The following KIF3C variants were observed in gnomAD, a reference collection of about 807,000 sequenced individuals.
KIF3C encodes the protein kinesin-like protein KIF3C.
KIF3C carries 12 observed loss-of-function variants against 67.7 expected under a neutral mutation model. That is an observed-to-expected ratio of 0.18 (90% CI 0.11 to 0.29). KIF3C has a LOEUF of 0.29. Among genes scored for constraint, KIF3C ranks in the 10% least tolerant of loss-of-function variants. The probability of loss-of-function intolerance (pLI) is 1.00; values close to 1 mark genes in which losing one functional copy is unlikely to be tolerated. For synonymous variants in KIF3C, 393 were observed against 426.2 expected (o/e 0.92, Z 0.96); for missense variants, 789 against 1,059.6 (o/e 0.74, Z 3.55).
intron 5 of KIF3C, among the ~76,000 whole-genome samples, chr2:25,939,662 G>A (rs1456129109): frequency 6.6e-6 from 1 of 152,166 alleles, no homozygotes; most frequent in Non-Finnish European, 1.5e-5. Flanking sequence ...TTTAAACCCA[G>A]AGGCAGAGCC....
chr2:25,955,713 A>G lies in KIF3C; in HGVS notation c.1648-50T>C. 6.2e-7 allele frequency: 1 copy of G among 1,603,698 alleles called. No individual in the cohort carries two copies. Among genetic ancestry groups the G allele is most frequent in the South Asian group, 1.1e-5 (1 of 90,182 alleles). ...CTCAAAGGAGCAGTGCATACTCGGG[A>G]GGGCCAGGAAAGCTCAGGGGACTGG... is the stretch of plus-strand genomic sequence containing the variant. On this transcript the variant is annotated intron_variant, in intron 2 of 7. Coordinates refer to ENST00000264712, the MANE Select transcript of KIF3C (RefSeq NM_002254.8). This position sits in a 1 kb window ranked among gnomAD's most constrained non-coding sequence, Gnocchi z 5.0.
chr2:25,973,368 A>G (rs1664328203), intron 1 of KIF3C, among the ~76,000 whole-genome samples: 1 of 152,154 alleles, frequency 6.6e-6, no homozygotes, highest in Non-Finnish European at 1.5e-5. Flanking sequence ...AGCCCGGACA[A>G]CATGGTGAAA....
chr2:25,962,920 T>A (rs1187584165), intron 1 of KIF3C, among the ~76,000 whole-genome samples: 1 of 48,612 alleles, frequency 2.1e-5, no homozygotes, highest in African/African-American at 1.4e-4. Context: ...ATAATATATA[T>A]AATATATAAT....
chr2:25,929,446 A>G lies in KIF3C; in HGVS notation c.2147T>C (p.Val716Ala). The change falls in exon 7 of 8, where the codon GTG becomes GCG. Residue 716 changes from valine to alanine, a missense_variant. Transcript: ENST00000264712. ...AENIMFLELD[V>A]SPPAVFEMEF... ...CATCTCAAAGACAGCTGGAGGGGAC[A>G]CATCCAACTCCAGAAACATTATGTT... The G allele has an allele frequency of 6.2e-7, 1 of 1,614,048 alleles. No homozygotes were observed. Among genetic ancestry groups the G allele is most frequent in the Non-Finnish European group, 8.5e-7 (1 of 1,179,926 alleles).
At chr2:25,942,995 G>A in intron 5 of KIF3C, among the ~76,000 whole-genome samples, 1 of 152,316 alleles carries the variant, frequency 6.6e-6, no homozygotes, top group East Asian at 1.9e-4. Flanking sequence ...GGGACAGCAT[G>A]ACTTCAGGTA....
chr2:25,934,553 C>T (rs553078790), intron 5 of KIF3C, among the ~76,000 whole-genome samples: 1 of 151,688 alleles, frequency 6.6e-6, no homozygotes, highest in African/African-American at 2.4e-5. Flanking sequence ...GCACTCCAGC[C>T]TGGGAGACAG....
Position 25,927,099 on chromosome 2 carries a change from C to T in KIF3C, c.*1879G>A, listed in dbSNP as rs4476308. Reference sequence around the variant, plus strand: ...AGGAGCTCCTCCTCCGACCATACCTCGGGCCCAGCCCTCGGACTGGGGGGG... The same window carrying T: ...AGGAGCTCCTCCTCCGACCATACCTTGGGCCCAGCCCTCGGACTGGGGGGG... On this transcript the variant is annotated 3_prime_UTR_variant, in exon 8 of 8. Transcript: ENST00000264712. 152,242 of 152,792 alleles carry T rather than the reference C, an allele frequency of 1. 75,853 individuals carry two copies. Among genetic ancestry groups the T allele is most frequent in the East Asian group, 1 (5,181 of 5,182 alleles). 9.5% of individuals were successfully genotyped at this position (152,792 alleles called of 1,614,324 possible).
chr2:25,972,437 C>T (rs1664307476), intron 1 of KIF3C, among the ~76,000 whole-genome samples: 1 of 152,170 alleles, frequency 6.6e-6, no homozygotes, highest in African/African-American at 2.4e-5. Context: ...ACTGACCACA[C>T]CCACCAGGGA....
chr2:25,978,541 A>G (rs1424159749), intron 1 of KIF3C, among the ~76,000 whole-genome samples: 1 of 152,050 alleles, frequency 6.6e-6, no homozygotes, highest in Non-Finnish European at 1.5e-5. Flanking sequence ...TTTGTGGGCT[A>G]TGCCTCTGGT....
intron 5 of KIF3C, chr2:25,938,429 G>T (rs564764288): frequency 2.7e-6 from 1 of 364,890 alleles, no homozygotes; most frequent in South Asian, 2.1e-5. Context: ...CAGGGTGGGG[G>T]TTCCCCCCAA....
At chr2:25,943,493 T>C (rs368173212) in intron 5 of KIF3C, among the ~76,000 whole-genome samples, 1 of 152,234 alleles carries the variant, frequency 6.6e-6, no homozygotes, top group East Asian at 1.9e-4. Flanking sequence ...TACTTTATTC[T>C]AACCATCTTA....
At chr2:25,978,322 C>T (rs529671066) in intron 1 of KIF3C, among the ~76,000 whole-genome samples, 2 of 152,134 alleles carry the variant, frequency 1.3e-5, no homozygotes, top group African/African-American at 4.8e-5. Flanking sequence ...TTGGGAGGAT[C>T]GAATGAGATT....
At chr2:25,968,335 T>G (rs1470542858) in intron 1 of KIF3C, among the ~76,000 whole-genome samples, 1 of 152,076 alleles carries the variant, frequency 6.6e-6, no homozygotes. Context: ...ATCAGGAAAC[T>G]ATTGGCCAAG....
rs70950146 is a variant in KIF3C at position 25,971,871 on chromosome 2, CTTTTTTTTTTTTT to C, written c.1545+8489_1545+8501del. 3.2e-4 allele frequency among the ~76,000 whole-genome samples: 17 copies of C among 53,806 alleles called. 1 individual carries two copies. The highest frequency in any genetic ancestry group is 9.1e-4 in the Admixed American group (4 of 4,416). The allele number at this position is 53,806 out of a possible 152,430, so 35.3% of individuals were successfully genotyped here. A position where few individuals can be genotyped will look rare whatever the true frequency, so the allele number is the denominator to read the frequency against. ...TACAGGCATGCAGTACCATGCCTAGCTTTTTTTTTTTTTTTTTTTTTTTTTTTTACTTTTTTGT... is the reference window on the plus strand; with the variant it reads ...TACAGGCATGCAGTACCATGCCTAGCTTTTTTTTTTTTTTTACTTTTTTGT... On this transcript the variant is annotated intron_variant, in intron 1 of 7. Coordinates refer to ENST00000264712, the MANE Select transcript of KIF3C (RefSeq NM_002254.8).
rs540951821 is a variant in KIF3C at position 25,980,165 on chromosome 2, G to A, written c.1545+208C>T. Among the ~76,000 whole-genome samples, 3 of 152,224 alleles carry A rather than the reference G, an allele frequency of 2.0e-5. No individual in the cohort carries two copies. Among genetic ancestry groups the A allele is most frequent in the South Asian group, 2.1e-4 (1 of 4,816 alleles). The stretch of plus-strand genomic sequence containing the variant: ...AGAGACCGCCTGTCCACGTTGCTTC[G>A]TGTGTGTGTGCCTGTGCATGTACCT... On this transcript the variant is annotated intron_variant, in intron 1 of 7. Coordinates refer to ENST00000264712, the MANE Select transcript of KIF3C (RefSeq NM_002254.8). This position sits in a 1 kb window ranked among gnomAD's most constrained non-coding sequence, Gnocchi z 7.6.
At chr2:25,970,170 G>T (rs1421757709) in intron 1 of KIF3C, among the ~76,000 whole-genome samples, 1 of 152,152 alleles carries the variant, frequency 6.6e-6, no homozygotes, top group Non-Finnish European at 1.5e-5. Flanking sequence ...AATCCTTCCT[G>T]TCTGAGCTGG....
At chr2:25,942,539 T>C (rs1002044095) in intron 5 of KIF3C, among the ~76,000 whole-genome samples, 4 of 151,816 alleles carry the variant, frequency 2.6e-5, no homozygotes, top group African/African-American at 9.7e-5. Flanking sequence ...GCCTCCCAAG[T>C]AGCTGGAATT....
chr2:25,929,204 T>G, intron 7 of KIF3C, 101 bp downstream of exon 7: 2 of 1,459,842 alleles, frequency 1.4e-6, no homozygotes, highest in Non-Finnish European at 1.9e-6. Context: ...TTGCCCTTCC[T>G]GCCCTTCGGG....
intron 1 of KIF3C, among the ~76,000 whole-genome samples, chr2:25,959,740 A>C (rs1663898849): frequency 6.6e-6 from 1 of 151,908 alleles, no homozygotes; most frequent in South Asian, 2.1e-4. Flanking sequence ...GCACCCGGCC[A>C]CCTTGGGCTC....
Sources: gnomAD v4.1 joint callset for allele counts (sites outside exome capture counted in the v4.1 genomes callset) on GRCh38, gnomAD v4.1.1 for gene constraint, Gnocchi (gnomAD v3.1) non-coding constraint, MANE v1.5 for transcripts, NCBI Gene and HGNC (gene_info 2026-07-23, HGNC 2026-07-21) for gene names.